The following ANK2 variants were observed in gnomAD, a reference collection of about 807,000 sequenced individuals.
ANK2 encodes ankyrin-2.
A neutral mutation model predicts 360.5 loss-of-function variants in ANK2; 83 were observed. The observed-to-expected ratio is 0.23, with a 90% CI of 0.19 to 0.28. The LOEUF is 0.28. Among genes scored for constraint, ANK2 ranks in the 10% least tolerant of loss-of-function variants. The pLI, the probability that ANK2 is intolerant of heterozygous loss-of-function variation, is 1.00. For missense variants in ANK2, 4,201 were observed against 4,795.7 expected (o/e 0.88, Z 3.66); for synonymous variants, 1,740 against 1,759.5 (o/e 0.99, Z 0.28).
At chr4:112,841,697 G>T (rs1391610088) in intron 1 of ANK2, among the ~76,000 whole-genome samples, 1 of 152,068 alleles carries the variant, frequency 6.6e-6, no homozygotes, top group Admixed American at 6.5e-5. Flanking sequence ...TTATCTTACT[G>T]ACCGAATCAT....
chr4:113,209,203 C>T (rs984325464), intron 4 of ANK2, among the ~76,000 whole-genome samples: 4 of 151,846 alleles, frequency 2.6e-5, no homozygotes, highest in South Asian at 2.1e-4. Flanking sequence ...GGGGAGAAGG[C>T]GAGGTCTAGC....
Position 113,242,125 on chromosome 4 carries a change from T to C in ANK2, c.807T>C (p.Pro269=). The C allele has an allele frequency of 6.2e-7, 1 of 1,613,900 alleles. No homozygotes were observed. Among genetic ancestry groups the C allele is most frequent in the Non-Finnish European group, 8.5e-7 (1 of 1,179,852 alleles). ...CTGTGGTGTAGAATGGAATCACTCC[T>C]CTGCATGTGGCTTCCAAAAGAGGAA... ...VDFTARNGIT[P]LHVASKRGNT... Residue 269 remains proline, a synonymous_variant, in exon 9 of 46, where the codon CCT becomes CCC. Transcript: ENST00000357077.
At chr4:113,247,994 C>T (rs2043965095) in intron 9 of ANK2, among the ~76,000 whole-genome samples, 1 of 152,178 alleles carries the variant, frequency 6.6e-6, no homozygotes, top group Admixed American at 6.5e-5. Flanking sequence ...CTTTAAGGCT[C>T]CTATCTGGCA....
At chr4:113,313,384 T>G (rs2081111485) in intron 24 of ANK2, among the ~76,000 whole-genome samples, 7 of 152,200 alleles carry the variant, frequency 4.6e-5, no homozygotes, top group Admixed American at 4.6e-4. Context: ...GAATTTAGAA[T>G]AATACTTTCT....
intron 15 of ANK2, among the ~76,000 whole-genome samples, chr4:113,277,179 G>A (rs931268013): frequency 6.6e-6 from 1 of 152,208 alleles, no homozygotes; most frequent in Non-Finnish European, 1.5e-5. Context: ...AAAGTCTGGT[G>A]TTAATCAGCC....
chr4:112,879,906 C>G (rs542864438), intron 1 of ANK2, among the ~76,000 whole-genome samples: 1 of 152,094 alleles, frequency 6.6e-6, no homozygotes, highest in Non-Finnish European at 1.5e-5. Context: ...CCCTTGACTT[C>G]CATCAATGGT....
At chr4:113,229,675 G>A (rs2099268656) in intron 4 of ANK2, among the ~76,000 whole-genome samples, 1 of 152,152 alleles carries the variant, frequency 6.6e-6, no homozygotes, top group South Asian at 2.1e-4. Context: ...TCTGGTAATG[G>A]AGGAGCTGTG....
intron 1 of ANK2, among the ~76,000 whole-genome samples, chr4:113,073,542 C>A (rs1218119803): frequency 6.6e-6 from 1 of 152,068 alleles, no homozygotes; most frequent in Non-Finnish European, 1.5e-5. Context: ...CTACAGAAGA[C>A]TACAGGCCAG....
intron 2 of ANK2, among the ~76,000 whole-genome samples, chr4:112,995,202 G>A (rs1042896019): frequency 3.9e-5 from 6 of 152,120 alleles, no homozygotes; most frequent in Admixed American, 2.0e-4. Flanking sequence ...TTTCCACAGC[G>A]GCTGCACTAA....
intron 2 of ANK2, among the ~76,000 whole-genome samples, chr4:113,179,255 C>A (rs1025881922): frequency 2.0e-5 from 3 of 152,148 alleles, no homozygotes; most frequent in African/African-American, 7.2e-5. Context: ...TTCTAGGGAG[C>A]ATTACAATAT....
the ANK2 span, among the ~76,000 whole-genome samples, chr4:112,755,215 G>T: frequency 2.0e-5 from 3 of 152,140 alleles, no homozygotes; most frequent in African/African-American, 7.2e-5. Context: ...ATGTCTCATT[G>T]CTTCCTTGTG....
rs372018312 is a variant in ANK2, at chr4:112,997,087, A to AT, written c.21+92582dup. 3.0e-4 allele frequency among the ~76,000 whole-genome samples: 46 copies of AT among 151,396 alleles called. 2 individuals carry two copies. Among genetic ancestry groups the AT allele is most frequent in the South Asian group, 2.1e-3 (10 of 4,772 alleles). ...CTGCACATATGTCCCTGCTCTATGG[A>AT]TTTTTTTTTAGGCTTTTAATGTCAC... is the stretch of plus-strand genomic sequence containing the variant. On this transcript the variant is annotated intron_variant, in intron 2 of 30. Transcript: ENST00000503271.
intron 26 of ANK2, among the ~76,000 whole-genome samples, chr4:113,328,890 A>G (rs573156778): frequency 4.6e-5 from 7 of 152,304 alleles, no homozygotes; most frequent in Non-Finnish European, 7.3e-5. Flanking sequence ...AATAACATAA[A>G]TGTTTTGTGT....
intron 2 of ANK2, among the ~76,000 whole-genome samples, chr4:112,947,915 G>C (rs573713721): frequency 6.6e-6 from 1 of 152,294 alleles, no homozygotes; most frequent in South Asian, 2.1e-4. Context: ...CTGGAGAACA[G>C]ATTTTGGCAA....
the ANK2 span, among the ~76,000 whole-genome samples, chr4:112,734,790 C>A: frequency 6.6e-6 from 1 of 152,186 alleles, no homozygotes; most frequent in African/African-American, 2.4e-5. Context: ...AAAATAACCA[C>A]CATTTTTGGG....
chr4:113,206,633 C>T (rs771838790), intron 4 of ANK2, among the ~76,000 whole-genome samples: 3 of 145,714 alleles, frequency 2.1e-5, no homozygotes, highest in Non-Finnish European at 4.4e-5. Context: ...TACAAATTTG[C>T]AGGGGCATCT....
At chr4:112,773,399 G>A in the ANK2 span, among the ~76,000 whole-genome samples, 1 of 152,112 alleles carries the variant, frequency 6.6e-6, no homozygotes, top group African/African-American at 2.4e-5. Flanking sequence ...AACCCATGTT[G>A]ACATAAAAAA....
At chr4:113,253,317 G>A (rs1033093825) in intron 10 of ANK2, among the ~76,000 whole-genome samples, 2 of 152,118 alleles carry the variant, frequency 1.3e-5, no homozygotes, top group Non-Finnish European at 2.9e-5. Context: ...CCAGAGCTCA[G>A]TCTTTGTATC....
At chr4:112,760,870 G>T in the ANK2 span, among the ~76,000 whole-genome samples, 1 of 148,584 alleles carries the variant, frequency 6.7e-6, no homozygotes, top group Non-Finnish European at 1.5e-5. Context: ...CCAGTGGTGC[G>T]ATCTCGGCTC....
Sources: gnomAD v4.1 joint callset for allele counts (sites outside exome capture counted in the v4.1 genomes callset) on GRCh38, gnomAD v4.1.1 for gene constraint, MANE v1.5 for transcripts, NCBI Gene and HGNC (gene_info 2026-07-23, HGNC 2026-07-21) for gene names.